ATRNL1: variants seen among roughly 807,000 people sequenced by gnomAD.
The protein encoded by ATRNL1 is attractin like 1.
In ATRNL1, 95 loss-of-function variants were observed where a neutral mutation model predicts 182.7. The observed-to-expected ratio is 0.52, with a 90% confidence interval of 0.44 to 0.62. ATRNL1 has a LOEUF of 0.62. Among genes scored for constraint, ATRNL1 ranks in the 20% least tolerant of loss-of-function variants. The pLI, the probability that ATRNL1 is intolerant of heterozygous loss-of-function variation, is 0.00. For missense variants in ATRNL1, 1,471 were observed against 1,679.5 expected (o/e 0.88, Z 2.17); for synonymous variants, 576 against 568.3 (o/e 1.01, Z -0.19).
At chr10:115,094,574 TGGACTTGCTAAGTGC>T (rs2084965718) in intron 1 of ATRNL1, among the ~76,000 whole-genome samples, 2 of 152,226 alleles carry the variant, frequency 1.3e-5, no homozygotes, top group Admixed American at 1.3e-4. Flanking sequence ...GAGTTTATGA[TGGACTTGCTAAGTGC>T]CAAACACTCT....
chr10:115,325,160 T>C (rs1446126972), intron 18 of ATRNL1, among the ~76,000 whole-genome samples: 2 of 152,314 alleles, frequency 1.3e-5, no homozygotes, highest in African/African-American at 4.8e-5. Context: ...TTTTTTCTGT[T>C]TGTGTGTCCA....
intron 24 of ATRNL1, among the ~76,000 whole-genome samples, chr10:115,516,864 G>A (rs554096013): frequency 1.2e-4 from 18 of 151,824 alleles, no homozygotes; most frequent in African/African-American, 2.2e-4. Flanking sequence ...CTAACCACCG[G>A]ATCCAAATTA....
intron 26 of ATRNL1, among the ~76,000 whole-genome samples, chr10:115,622,521 A>G (rs12261137): frequency 0.011 from 1,669 of 152,286 alleles, 30 homozygotes; most frequent in African/African-American, 0.038. Flanking sequence ...ATCTTTATCT[A>G]TGTTTTGTTG....
chr10:115,530,505 T>C (rs1851504041), intron 25 of ATRNL1, among the ~76,000 whole-genome samples: 2 of 152,022 alleles, frequency 1.3e-5, no homozygotes, highest in South Asian at 4.1e-4. Context: ...GGCAAAGAAA[T>C]AATAAGAGTT....
At chr10:115,236,468 T>C (rs1295125553) in intron 9 of ATRNL1, among the ~76,000 whole-genome samples, 3 of 152,216 alleles carry the variant, frequency 2.0e-5, no homozygotes, top group African/African-American at 4.8e-5. Flanking sequence ...TTACAAAATA[T>C]TTTTGTATGT....
At chr10:115,738,154 T>TTTTTTTTTTTTTTTGTC (rs71010046) in intron 27 of ATRNL1, among the ~76,000 whole-genome samples, 1 of 63,870 alleles carries the variant, frequency 1.6e-5, no homozygotes. Context: ...TTTTTTTTTT[T>TTTTTTTTTTTTTTTGTC]TTGAGATGGA....
intron 18 of ATRNL1, among the ~76,000 whole-genome samples, chr10:115,318,671 A>G (rs1185385149): frequency 6.6e-6 from 1 of 151,844 alleles, no homozygotes; most frequent in Non-Finnish European, 1.5e-5. Context: ...TTTCTAGTTT[A>G]TTTGCATAGG....
chr10:115,331,926 A>G (rs542461330), intron 18 of ATRNL1, among the ~76,000 whole-genome samples: 1 of 152,246 alleles, frequency 6.6e-6, no homozygotes, highest in South Asian at 2.1e-4. Context: ...TCCATCTGAC[A>G]TTGTGGCACT....
At chr10:115,406,383 G>A (rs1395481882) in intron 20 of ATRNL1, among the ~76,000 whole-genome samples, 1 of 152,026 alleles carries the variant, frequency 6.6e-6, no homozygotes, top group Non-Finnish European at 1.5e-5. Context: ...GCTTACAAAT[G>A]CATACATTTT....
intron 27 of ATRNL1, among the ~76,000 whole-genome samples, chr10:115,747,920 C>G (rs1948340075): frequency 6.6e-6 from 1 of 152,022 alleles, no homozygotes; most frequent in African/African-American, 2.4e-5. Context: ...CATTGGCCTT[C>G]TTTCATAAGG....
intron 5 of ATRNL1, among the ~76,000 whole-genome samples, chr10:115,142,013 G>T (rs1459821592): frequency 2.0e-5 from 3 of 152,044 alleles, no homozygotes; most frequent in Non-Finnish European, 4.4e-5. Flanking sequence ...GCTAGAGACT[G>T]CTCTAGGTCC....
At chr10:115,912,908 C>T (rs1952726633) in intron 28 of ATRNL1, among the ~76,000 whole-genome samples, 1 of 152,140 alleles carries the variant, frequency 6.6e-6, no homozygotes, top group African/African-American at 2.4e-5. Flanking sequence ...TGGCTGCCAC[C>T]ACTTACTAAC....
At chr10:115,417,791 C>A (rs1259285986) in intron 20 of ATRNL1, among the ~76,000 whole-genome samples, 1 of 152,186 alleles carries the variant, frequency 6.6e-6, no homozygotes, top group Non-Finnish European at 1.5e-5. Flanking sequence ...ATCTGCCCTG[C>A]AGAGCCCTGC....
At chr10:115,279,060 G>A (rs1251175401) in intron 13 of ATRNL1, among the ~76,000 whole-genome samples, 1 of 151,856 alleles carries the variant, frequency 6.6e-6, no homozygotes, top group Non-Finnish European at 1.5e-5. Flanking sequence ...AAATTAGCCG[G>A]GTGTGGTGGT....
intron 26 of ATRNL1, among the ~76,000 whole-genome samples, chr10:115,653,533 G>A (rs1303173827): frequency 2.0e-5 from 3 of 152,100 alleles, no homozygotes; most frequent in Non-Finnish European, 4.4e-5. Flanking sequence ...ACCCAAAACT[G>A]GCCCCTATTT....
chr10:115,358,653 A>G (rs1369819295), intron 19 of ATRNL1, among the ~76,000 whole-genome samples: 2 of 151,686 alleles, frequency 1.3e-5, no homozygotes, highest in Non-Finnish European at 1.5e-5. Flanking sequence ...CCTATTTTAC[A>G]AATGAGTAAA....
intron 27 of ATRNL1, among the ~76,000 whole-genome samples, chr10:115,728,284 G>C (rs1947673758): frequency 9.3e-6 from 1 of 108,016 alleles, no homozygotes; most frequent in African/African-American, 3.7e-5. Context: ...GACAGACAGA[G>C]TGGGACTCCG....
At chr10:115,441,480 A>G (rs1387295780) in intron 21 of ATRNL1, among the ~76,000 whole-genome samples, 5 of 151,682 alleles carry the variant, frequency 3.3e-5, no homozygotes, top group East Asian at 1.9e-4. Flanking sequence ...ATACTTTCCA[A>G]TTTTTCCTAC....
intron 25 of ATRNL1, among the ~76,000 whole-genome samples, chr10:115,539,521 C>T (rs773273604): frequency 1.1e-4 from 16 of 152,156 alleles, no homozygotes; most frequent in Non-Finnish European, 1.8e-4. Flanking sequence ...GCCCCCTGAC[C>T]TGAAGTCAAT....
Sources: allele counts gnomAD v4.1 joint callset (sites outside exome capture counted in the v4.1 genomes callset), GRCh38; gene constraint gnomAD v4.1.1; transcripts MANE v1.5; gene names NCBI Gene and HGNC (gene_info 2026-07-23, HGNC 2026-07-21).